SRD5A2: variants seen among roughly 807,000 people sequenced by gnomAD.
The protein encoded by SRD5A2 is steroid 5 alpha-reductase 2.
SRD5A2 carries 30 observed loss-of-function variants against 27.4 expected under a neutral mutation model. The observed-to-expected ratio is 1.10, with a 90% confidence interval of 0.82 to 1.49. SRD5A2 has a LOEUF of 1.49. Ranked by LOEUF, SRD5A2 falls within the 40% of genes most tolerant of loss-of-function variation. SRD5A2 has a pLI of 0.00. For missense variants in SRD5A2, 348 were observed against 323.4 expected (o/e 1.08, Z -0.58); for synonymous variants, 141 against 133.6 (o/e 1.06, Z -0.38).
chr2:31,646,031 C>A, the SRD5A2 span, among the ~76,000 whole-genome samples: 1 of 152,118 alleles, frequency 6.6e-6, no homozygotes, highest in Non-Finnish European at 1.5e-5. Context: ...TTACCTCCTT[C>A]ATCTTTCTTT....
intron 1 of SRD5A2, among the ~76,000 whole-genome samples, chr2:31,534,233 C>T (rs955296922): frequency 6.6e-6 from 1 of 152,082 alleles, no homozygotes. Flanking sequence ...CTACATTAAA[C>T]CTTTCTAATT....
At chr2:31,561,417 C>T (rs894142408) in intron 1 of SRD5A2, among the ~76,000 whole-genome samples, 3 of 152,306 alleles carry the variant, frequency 2.0e-5, no homozygotes, top group African/African-American at 4.8e-5. Context: ...GACAGGGCAG[C>T]CACATCCCAT....
chr2:31,529,520 C>G, intron 3 of SRD5A2, 63 bp from the exon 4 acceptor site: 1 of 1,573,434 alleles, frequency 6.4e-7, no homozygotes, highest in Non-Finnish European at 8.6e-7. Flanking sequence ...TTAAACCCAT[C>G]TGTGTTGTTC....
the SRD5A2 span, among the ~76,000 whole-genome samples, chr2:31,633,543 T>C: frequency 2.0e-5 from 3 of 152,172 alleles, no homozygotes; most frequent in Admixed American, 6.5e-5. Context: ...GAGCCGCAGA[T>C]GCAGTCCATG....
At chr2:31,575,763 C>T (rs1259330866) in intron 1 of SRD5A2, among the ~76,000 whole-genome samples, 1 of 152,204 alleles carries the variant, frequency 6.6e-6, no homozygotes, top group Non-Finnish European at 1.5e-5. Flanking sequence ...TTGCCCAAAA[C>T]CTTTTCACAA....
chr2:31,560,140 A>C (rs1269854777), intron 1 of SRD5A2, among the ~76,000 whole-genome samples: 1 of 143,880 alleles, frequency 7.0e-6, no homozygotes, highest in Non-Finnish European at 1.5e-5. Context: ...GCTCCAGGAT[A>C]TTCTAAGACA....
the SRD5A2 span, among the ~76,000 whole-genome samples, chr2:31,650,344 G>A: frequency 6.6e-6 from 1 of 152,136 alleles, no homozygotes; most frequent in African/African-American, 2.4e-5. Flanking sequence ...CAGGATGGGG[G>A]AAGTAAACTG....
At chr2:31,652,044 C>T in the SRD5A2 span, among the ~76,000 whole-genome samples, 9 of 152,202 alleles carry the variant, frequency 5.9e-5, no homozygotes, top group East Asian at 1.9e-4. Context: ...CTGCAGCCTC[C>T]GCCTCCAGGA....
the SRD5A2 span, among the ~76,000 whole-genome samples, chr2:31,614,511 G>A: frequency 6.6e-6 from 1 of 152,178 alleles, no homozygotes; most frequent in Admixed American, 6.5e-5. Flanking sequence ...GTTTTTCCAG[G>A]TACACAGGCA....
intron 1 of SRD5A2, among the ~76,000 whole-genome samples, chr2:31,559,550 T>C (rs1666572272): frequency 6.6e-6 from 1 of 152,194 alleles, no homozygotes; most frequent in South Asian, 2.1e-4. Flanking sequence ...GATTTGTATT[T>C]CAATTTTATT....
At chr2:31,588,177 AAG>A in the SRD5A2 span, among the ~76,000 whole-genome samples, 26 of 152,176 alleles carry the variant, frequency 1.7e-4, no homozygotes, top group Admixed American at 3.9e-4. Context: ...GACATAGAGA[AAG>A]AGAGAGGGGT....
At chr2:31,625,702 T>A in the SRD5A2 span, among the ~76,000 whole-genome samples, 2 of 152,184 alleles carry the variant, frequency 1.3e-5, no homozygotes, top group African/African-American at 2.4e-5. Context: ...AGGCCTCTGT[T>A]CTGTTGCATT....
chr2:31,575,031 C>T (rs1401681515), intron 1 of SRD5A2, among the ~76,000 whole-genome samples: 1 of 152,192 alleles, frequency 6.6e-6, no homozygotes, highest in Non-Finnish European at 1.5e-5. Context: ...AAAAATCCTT[C>T]AATTAATCTT....
At chr2:31,614,660 T>C in the SRD5A2 span, among the ~76,000 whole-genome samples, 7 of 152,234 alleles carry the variant, frequency 4.6e-5, no homozygotes, top group Non-Finnish European at 8.8e-5. Flanking sequence ...CTAGCAGAGA[T>C]TCTCCATGAG....
chr2:31,533,121 C>A (rs28383050), intron 2 of SRD5A2, among the ~76,000 whole-genome samples: 12,988 of 152,136 alleles, frequency 0.085, 670 homozygotes, highest in Middle Eastern at 0.18. Context: ...ATATGTGTAG[C>A]CCAAGGCAAT....
intron 1 of SRD5A2, among the ~76,000 whole-genome samples, chr2:31,555,500 C>G (rs1180338062): frequency 2.6e-5 from 4 of 152,106 alleles, no homozygotes; most frequent in African/African-American, 9.7e-5. Context: ...TTTCATGTGC[C>G]TTGAACCTGA....
At chr2:31,602,881 G>A in the SRD5A2 span, among the ~76,000 whole-genome samples, 1 of 151,960 alleles carries the variant, frequency 6.6e-6, no homozygotes, top group African/African-American at 2.4e-5. Context: ...AATTGATACT[G>A]GACCCCTTCC....
In SRD5A2 at chr2:31,529,258, G is replaced by A. The variant is rs951388960; in HGVS notation, c.698+49C>T. 1.9e-5 allele frequency: 31 copies of A among 1,607,884 alleles called. No individual in the cohort carries two copies. The African/African-American group carries it at 4.0e-4, about 21-fold the overall frequency. On this transcript the variant is annotated intron_variant, in intron 4 of 4. Coordinates refer to ENST00000622030, the MANE Select transcript of SRD5A2 (RefSeq NM_000348.4). ...CCTCTGCGGGTTAAAAGCCTGTTTG[G>A]AGAAGAAGAAAGCTACGTGAATGCT...
At chr2:31,612,952 C>A in the SRD5A2 span, among the ~76,000 whole-genome samples, 1 of 152,266 alleles carries the variant, frequency 6.6e-6, no homozygotes, top group Admixed American at 6.5e-5. Context: ...TGTAGAGAAA[C>A]TGGACATCCA....
Sources: allele counts gnomAD v4.1 joint callset (sites outside exome capture counted in the v4.1 genomes callset), GRCh38; gene constraint gnomAD v4.1.1; transcripts MANE v1.5; gene names NCBI Gene and HGNC (gene_info 2026-07-23, HGNC 2026-07-21).